CHODL: variants seen among roughly 807,000 people sequenced by gnomAD.
CHODL encodes chondrolectin.
Under a neutral mutation model 34.5 loss-of-function variants are expected in CHODL, and 29 were observed. The ratio of observed to expected loss-of-function variants is 0.84; its 90% CI spans 0.63 to 1.15. The LOEUF (loss-of-function observed/expected upper bound fraction) is 1.15, where lower values mean the gene tolerates loss of function less well. Among genes scored for constraint, CHODL ranks in the 50% most tolerant of loss-of-function variants. CHODL has a pLI of 0.00. For missense variants in CHODL, 332 were observed against 332.5 expected, an observed-to-expected ratio of 1.00 and a Z score of 0.01; for synonymous variants, 125 against 116.1, an observed-to-expected ratio of 1.08 and a Z score of -0.49.
chr21:18,085,645 A>G (rs1235321040), intron 2 of CHODL, among the ~76,000 whole-genome samples: 2 of 152,180 alleles, frequency 1.3e-5, no homozygotes, highest in African/African-American at 4.8e-5. Flanking sequence ...TTCTTGGTGG[A>G]CAGTTTTTAC....
intron 2 of CHODL, among the ~76,000 whole-genome samples, chr21:18,110,377 T>C (rs1243908756): frequency 1.3e-5 from 2 of 152,210 alleles, no homozygotes; most frequent in African/African-American, 4.8e-5. Flanking sequence ...TGGGACTTAT[T>C]GTCACCAACA....
At chr21:17,932,044 A>G (rs1440465022) in intron 1 of CHODL, among the ~76,000 whole-genome samples, 1 of 152,208 alleles carries the variant, frequency 6.6e-6, no homozygotes, top group East Asian at 1.9e-4. Context: ...AAATATTTGC[A>G]GACTATGCAT....
intron 2 of CHODL, among the ~76,000 whole-genome samples, chr21:18,066,465 C>A (rs545919731): frequency 6.6e-6 from 1 of 152,162 alleles, no homozygotes; most frequent in Non-Finnish European, 1.5e-5. Flanking sequence ...GTGAGAGATC[C>A]CACTCCGTTT....
intron 1 of CHODL, among the ~76,000 whole-genome samples, chr21:17,957,732 A>G (rs1367257836): frequency 6.6e-6 from 1 of 151,328 alleles, no homozygotes; most frequent in Non-Finnish European, 1.5e-5. Context: ...AATATAAAAT[A>G]AAATATAAAA....
intron 2 of CHODL, among the ~76,000 whole-genome samples, chr21:18,100,898 G>A (rs187201957): frequency 1.4e-4 from 21 of 152,172 alleles, no homozygotes; most frequent in Non-Finnish European, 2.2e-4. Context: ...CCCCAGTTTG[G>A]TAACTTCAGG....
chr21:17,970,317 T>C (rs888528902), intron 1 of CHODL, among the ~76,000 whole-genome samples: 10 of 152,190 alleles, frequency 6.6e-5, no homozygotes, highest in African/African-American at 1.7e-4. Context: ...TATCTTTCTG[T>C]CTTCGCCATC....
At chr21:18,013,581 A>G (rs896067630) in intron 1 of CHODL, among the ~76,000 whole-genome samples, 1 of 150,932 alleles carries the variant, frequency 6.6e-6, no homozygotes, top group African/African-American at 2.4e-5. Context: ...TGTACCCAAG[A>G]CAATGATAAG....
intron 1 of CHODL, among the ~76,000 whole-genome samples, chr21:17,932,118 A>T (rs2063278294): frequency 6.6e-6 from 1 of 152,208 alleles, no homozygotes; most frequent in Non-Finnish European, 1.5e-5. Context: ...AACAACAATG[A>T]CAAACAACCA....
chr21:18,196,830 A>G (rs969184534), intron 2 of CHODL, among the ~76,000 whole-genome samples: 2 of 152,158 alleles, frequency 1.3e-5, no homozygotes, highest in Non-Finnish European at 2.9e-5. Context: ...GGTGGGAGCA[A>G]TGGGGTGATG....
intron 2 of CHODL, among the ~76,000 whole-genome samples, chr21:18,123,863 C>T (rs367607159): frequency 9.9e-5 from 15 of 152,128 alleles, no homozygotes; most frequent in African/African-American, 3.1e-4. Flanking sequence ...CCAGCAAGAA[C>T]GCAGGGTACC....
intron 2 of CHODL, among the ~76,000 whole-genome samples, chr21:18,090,270 T>A (rs1310041326): frequency 6.6e-6 from 1 of 152,178 alleles, no homozygotes; most frequent in Non-Finnish European, 1.5e-5. Flanking sequence ...AGGAGCTGAA[T>A]AGGGGTACCT....
At chr21:18,181,805 T>G (rs892431311) in intron 2 of CHODL, among the ~76,000 whole-genome samples, 1 of 152,240 alleles carries the variant, frequency 6.6e-6, no homozygotes, top group African/African-American at 2.4e-5. Context: ...GATGGTCTCT[T>G]GTGACTGACT....
intron 1 of CHODL, among the ~76,000 whole-genome samples, chr21:17,927,655 G>C (rs7278973): frequency 0.01 from 1,573 of 152,272 alleles, 24 homozygotes; most frequent in African/African-American, 0.036. Context: ...ACCTACATGT[G>C]CCACAATGAC....
intron 1 of CHODL, among the ~76,000 whole-genome samples, chr21:18,018,790 C>G (rs865790676): frequency 6.6e-6 from 1 of 152,302 alleles, no homozygotes; most frequent in African/African-American, 2.4e-5. Context: ...TTTGCACCAG[C>G]CTACAGTCCT....
chr21:18,161,126 T>A (rs2073090672), intron 2 of CHODL, among the ~76,000 whole-genome samples: 1 of 149,716 alleles, frequency 6.7e-6, no homozygotes, highest in Admixed American at 6.6e-5. Context: ...TATGTTTTCT[T>A]TTGGAAAGTG....
At chr21:18,003,333 A>T (rs1194950263) in intron 1 of CHODL, among the ~76,000 whole-genome samples, 2 of 151,036 alleles carry the variant, frequency 1.3e-5, no homozygotes, top group African/African-American at 2.4e-5. Flanking sequence ...AGCATTTTTG[A>T]TATCTTCCAC....
intron 1 of CHODL, among the ~76,000 whole-genome samples, chr21:18,249,092 T>TAAA (rs2074201783): frequency 9.0e-6 from 1 of 111,616 alleles, no homozygotes; most frequent in African/African-American, 4.7e-5. Context: ...TATAATAAAA[T>TAAA]ATATATATAT....
intron 1 of CHODL, among the ~76,000 whole-genome samples, chr21:17,979,749 C>T (rs1234110509): frequency 6.6e-6 from 1 of 152,170 alleles, no homozygotes; most frequent in Non-Finnish European, 1.5e-5. Context: ...GTATTGGTTT[C>T]AGAGTGTTTG....
At chr21:17,991,638 C>G (rs1027950528) in intron 1 of CHODL, among the ~76,000 whole-genome samples, 1 of 146,202 alleles carries the variant, frequency 6.8e-6, no homozygotes, top group Non-Finnish European at 1.5e-5. Flanking sequence ...CTTTTGCTCA[C>G]TTTTAAATGA....
Sources: gnomAD v4.1 joint callset for allele counts (sites outside exome capture counted in the v4.1 genomes callset) on GRCh38, gnomAD v4.1.1 for gene constraint, MANE v1.5 for transcripts, NCBI Gene and HGNC (gene_info 2026-07-23, HGNC 2026-07-21) for gene names.